DSCAM: variants seen among roughly 807,000 people sequenced by gnomAD.
DSCAM encodes DS cell adhesion molecule, also known as cell adhesion molecule DSCAM.
In DSCAM, 47 loss-of-function variants were observed where a neutral mutation model predicts 217.7. That is an observed-to-expected ratio of 0.22 (90% CI 0.17 to 0.28). DSCAM has a LOEUF of 0.28. DSCAM is among the 10% of genes least tolerant of loss of function. The probability of loss-of-function intolerance (pLI) is 1.00; values close to 1 mark genes in which losing one functional copy is unlikely to be tolerated. For synonymous variants in DSCAM, 1,056 were observed against 1,015.3 expected (o/e 1.04, Z -0.76); for missense variants, 2,080 against 2,618.3 (o/e 0.79, Z 4.49).
chr21:40,349,899 AAC>A (rs2074610232), intron 5 of DSCAM, among the ~76,000 whole-genome samples: 1 of 152,048 alleles, frequency 6.6e-6, no homozygotes, highest in Non-Finnish European at 1.5e-5. Flanking sequence ...CATACAGAGA[AAC>A]AAAGATCTGA....
In DSCAM at chr21:40,664,150, G is replaced by A. The variant is rs549617052; in HGVS notation, c.508+28660C>T. ...GCAAATGTCCTCTTATCCATAGTCC[G>A]GGATAAAGGAAATGGATTATTCTAA... is the stretch of plus-strand genomic sequence containing the variant. On this transcript the variant is annotated intron_variant, in intron 3 of 32. Coordinates refer to ENST00000400454, the MANE Select transcript of DSCAM (RefSeq NM_001389.5). 1.3e-4 allele frequency among the ~76,000 whole-genome samples: 20 copies of A among 152,196 alleles called. No homozygotes were observed. In the South Asian group the frequency reaches 3.1e-3, roughly 24 times the overall value.
At chr21:40,766,668 C>CAA (rs1189016542) in intron 1 of DSCAM, among the ~76,000 whole-genome samples, 1 of 44,020 alleles carries the variant, frequency 2.3e-5, no homozygotes, top group African/African-American at 1.3e-4. Flanking sequence ...AACAACAATT[C>CAA]CAAAAAAAAA....
chr21:40,428,755 C>T (rs1221902867), intron 3 of DSCAM, among the ~76,000 whole-genome samples: 2 of 151,930 alleles, frequency 1.3e-5, no homozygotes, highest in Non-Finnish European at 2.9e-5. Context: ...TGGCCGCTGC[C>T]CTGGGCATAG....
intron 32 of DSCAM, among the ~76,000 whole-genome samples, chr21:40,021,984 CAG>C (rs2088280909): frequency 6.6e-6 from 1 of 152,236 alleles, no homozygotes; most frequent in Non-Finnish European, 1.5e-5. Context: ...TCAATCTATT[CAG>C]ACACACGCAA....
At chr21:40,363,252 CTTTTTTT>C (rs35756323) in intron 4 of DSCAM, among the ~76,000 whole-genome samples, 1 of 116,168 alleles carries the variant, frequency 8.6e-6, no homozygotes, top group Non-Finnish European at 1.7e-5. Flanking sequence ...TTTTTGTGTT[CTTTTTTT>C]TTTTTTTTTT....
chr21:40,568,170 A>C (rs2076779618), intron 3 of DSCAM, among the ~76,000 whole-genome samples: 1 of 152,208 alleles, frequency 6.6e-6, no homozygotes, highest in East Asian at 1.9e-4. Context: ...CCTGTATCAA[A>C]TTCTTTTCTA....
At chr21:40,620,199 GAA>G (rs1367633771) in intron 3 of DSCAM, among the ~76,000 whole-genome samples, 6 of 104,220 alleles carry the variant, frequency 5.8e-5, no homozygotes, top group Non-Finnish European at 9.6e-5. Context: ...GAAAAAGAAA[GAA>G]AGAGAGAAAG....
intron 9 of DSCAM, among the ~76,000 whole-genome samples, chr21:40,302,160 T>A (rs1357828433): frequency 6.6e-6 from 1 of 152,158 alleles, no homozygotes. Flanking sequence ...GGCTTGCCAA[T>A]ATAGTTTGTT....
intron 3 of DSCAM, among the ~76,000 whole-genome samples, chr21:40,625,373 C>A (rs999211214): frequency 3.3e-5 from 5 of 152,118 alleles, no homozygotes; most frequent in Non-Finnish European, 7.4e-5. Flanking sequence ...ACCAGCTATC[C>A]GGCACTTTCC....
chr21:40,165,485 G>A (rs191620380), intron 16 of DSCAM, among the ~76,000 whole-genome samples: 28 of 152,294 alleles, frequency 1.8e-4, no homozygotes, highest in Admixed American at 1.4e-3. Context: ...GTATTCAGTC[G>A]ATTCACAATC....
chr21:40,712,852 G>A (rs563188188), intron 1 of DSCAM, among the ~76,000 whole-genome samples: 52 of 152,152 alleles, frequency 3.4e-4, no homozygotes, highest in Admixed American at 1.3e-3. Flanking sequence ...GGGTACAGGC[G>A]AAAGCCTTTA....
At chr21:40,387,851 A>T (rs1432453543) in intron 3 of DSCAM, among the ~76,000 whole-genome samples, 1 of 152,234 alleles carries the variant, frequency 6.6e-6, no homozygotes, top group African/African-American at 2.4e-5. Flanking sequence ...AAACAATAAA[A>T]TATTTGCAGA....
intron 11 of DSCAM, among the ~76,000 whole-genome samples, chr21:40,249,129 A>G (rs997700502): frequency 1.3e-5 from 2 of 152,230 alleles, no homozygotes; most frequent in Non-Finnish European, 2.9e-5. Flanking sequence ...AAATCATACC[A>G]ATGAACATCA....
intron 3 of DSCAM, among the ~76,000 whole-genome samples, chr21:40,632,575 T>A (rs1405891275): frequency 6.6e-6 from 1 of 152,204 alleles, no homozygotes; most frequent in Admixed American, 6.5e-5. Context: ...GTTATTATCA[T>A]TGTTTTCAGT....
intron 20 of DSCAM, among the ~76,000 whole-genome samples, chr21:40,100,478 C>T (rs933978971): frequency 6.6e-6 from 1 of 152,078 alleles, no homozygotes; most frequent in African/African-American, 2.4e-5. Context: ...ACACAACAAT[C>T]CAATAGTGTG....
Position 40,181,135 on chromosome 21 carries a change from G to C in DSCAM, c.2780-2041C>G, listed in dbSNP as rs142044646. Reference sequence around the variant, plus strand: ...CCCCAGTCACACTTGCCACTTTTCAGATCTTGGATGTCCATGCATACATTT... The same window carrying C: ...CCCCAGTCACACTTGCCACTTTTCACATCTTGGATGTCCATGCATACATTT... On this transcript the variant is annotated intron_variant, in intron 14 of 32. Coordinates refer to ENST00000400454, the MANE Select transcript of DSCAM (RefSeq NM_001389.5). Among the ~76,000 whole-genome samples, 253 of 152,284 alleles carry C rather than the reference G, an allele frequency of 1.7e-3. 1 individual carries two copies. The highest frequency in any genetic ancestry group is 5.6e-3 in the African/African-American group (233 of 41,560).
chr21:40,090,550 A>C (rs2089594988), intron 21 of DSCAM, among the ~76,000 whole-genome samples: 1 of 152,020 alleles, frequency 6.6e-6, no homozygotes, highest in African/African-American at 2.4e-5. Context: ...CAGCAGCCTC[A>C]CCTGACCACT....
intron 2 of DSCAM, among the ~76,000 whole-genome samples, 190 bp downstream of exon 2, chr21:40,708,264 G>T (rs748090151): frequency 6.6e-6 from 1 of 152,302 alleles, no homozygotes; most frequent in South Asian, 2.1e-4. Context: ...TCAAGGTTTA[G>T]TTCCAACAAT....
chr21:40,060,855 G>C (rs1232145354), intron 28 of DSCAM, among the ~76,000 whole-genome samples: 2 of 152,000 alleles, frequency 1.3e-5, no homozygotes, highest in African/African-American at 4.8e-5. Context: ...TTTGTGTTAA[G>C]CAGATCTTTG....
Sources: allele counts gnomAD v4.1 joint callset (sites outside exome capture counted in the v4.1 genomes callset), GRCh38; gene constraint gnomAD v4.1.1; transcripts MANE v1.5; gene names NCBI Gene and HGNC (gene_info 2026-07-23, HGNC 2026-07-21).